The following UQCC1 variants were observed in gnomAD, a reference collection of about 807,000 sequenced individuals.
UQCC1 encodes ubiquinol-cytochrome c reductase complex assembly factor 1, also known as bFGF-repressed Zic-binding protein.
A neutral mutation model predicts 48.0 loss-of-function variants in UQCC1; 38 were observed. The ratio of observed to expected loss-of-function variants is 0.79; its 90% CI spans 0.61 to 1.04. The LOEUF (loss-of-function observed/expected upper bound fraction) is 1.04, where lower values mean the gene tolerates loss of function less well. Ranked by LOEUF, UQCC1 falls within the 50% of genes least tolerant of loss-of-function variation. The pLI is 0.00. For synonymous variants in UQCC1, 111 were observed against 129.2 expected, an observed-to-expected ratio of 0.86 and a Z score of 0.95; for missense variants, 368 against 381.8, an observed-to-expected ratio of 0.96 and a Z score of 0.30.
At chr20:35,366,311 T>C (rs185396615) in intron 6 of UQCC1, among the ~76,000 whole-genome samples, 16 of 152,342 alleles carry the variant, frequency 1.1e-4, no homozygotes, top group Admixed American at 5.2e-4. Flanking sequence ...GAGATACTGA[T>C]AGCATTGTTC....
chr20:35,305,229 A>G (rs1054827537), intron 9 of UQCC1, among the ~76,000 whole-genome samples: 1 of 152,216 alleles, frequency 6.6e-6, no homozygotes, highest in Non-Finnish European at 1.5e-5. Flanking sequence ...CCAAGAGTAC[A>G]TGGAGCAGCA....
chr20:35,403,054 C>T (rs1183730736), intron 1 of UQCC1, among the ~76,000 whole-genome samples: 10 of 139,238 alleles, frequency 7.2e-5, no homozygotes, highest in African/African-American at 2.4e-4. Flanking sequence ...GGGACAAGAG[C>T]GAGACTTCGT....
chr20:35,392,867 C>T (rs115599779), intron 2 of UQCC1, among the ~76,000 whole-genome samples: 1,971 of 151,266 alleles, frequency 0.013, 43 homozygotes, highest in African/African-American at 0.045. Context: ...GCATCGAATA[C>T]GAAAAAGAAA....
Position 35,378,609 on chromosome 20 carries a change from G to A in UQCC1, c.333+3309C>T, listed in dbSNP as rs547902244. ...CGCGCCACTGCACTCCAGCCTGGGC[G>A]ACAGAGCGAGACTCCAACTCAAAAA... On this transcript the variant is annotated intron_variant, in intron 4 of 9. Coordinates refer to ENST00000374385, the MANE Select transcript of UQCC1 (RefSeq NM_018244.5). Among the ~76,000 whole-genome samples the A allele has an allele frequency of 7.5e-4, 114 of 152,238 alleles. 1 individual carries two copies. Among genetic ancestry groups the A allele is most frequent in the African/African-American group, 2.6e-3 (108 of 41,552 alleles).
chr20:35,383,974 T>G, intron 3 of UQCC1, 64 bp downstream of exon 3: 2,958 of 1,378,002 alleles, frequency 2.1e-3, no homozygotes, highest in Non-Finnish European at 2.7e-3. Context: ...ACAATTTTGT[T>G]GAGATCCAAA....
chr20:35,411,855 T>C (rs2146563964), intron 1 of UQCC1, 85 bp downstream of exon 1: 1 of 1,579,224 alleles, frequency 6.3e-7, no homozygotes, highest in South Asian at 1.1e-5. Flanking sequence ...CCTCCTGCGA[T>C]TCCTTCCAAT....
rs183757711 is a variant in UQCC1 at position 35,348,489 on chromosome 20, T to A, written c.465-1217A>T. On this transcript the variant is annotated intron_variant, in intron 6 of 9. Transcript: ENST00000374385. ...ACTACAAGCTCTGCCTCCCGGGTTC[T>A]TGCCATTCTCCTGCTTCAGCCTCCC... Among the ~76,000 whole-genome samples the A allele has an allele frequency of 4.6e-3, 699 of 152,070 alleles. 2 individuals are homozygous for A. The highest frequency in any genetic ancestry group is 0.014 in the Middle Eastern group (4 of 294).
At chr20:35,356,460 T>G (rs949680721) in intron 6 of UQCC1, among the ~76,000 whole-genome samples, 1 of 152,080 alleles carries the variant, frequency 6.6e-6, no homozygotes, top group Non-Finnish European at 1.5e-5. Flanking sequence ...AAAAAAAAAC[T>G]TAAATAGCAA....
chr20:35,358,880 C>A (rs1317981724), intron 6 of UQCC1, among the ~76,000 whole-genome samples: 1 of 152,090 alleles, frequency 6.6e-6, no homozygotes, highest in East Asian at 1.9e-4. Flanking sequence ...CTTAAACCCA[C>A]AATTTATTAT....
At chr20:35,378,897 C>T (rs1335239020) in intron 4 of UQCC1, among the ~76,000 whole-genome samples, 1 of 152,126 alleles carries the variant, frequency 6.6e-6, no homozygotes, top group African/African-American at 2.4e-5. Context: ...CACATTTGCC[C>T]CTCAAATACC....
At chr20:35,371,480 G>A (rs1052617925) in intron 5 of UQCC1, among the ~76,000 whole-genome samples, 3 of 151,516 alleles carry the variant, frequency 2.0e-5, no homozygotes, top group Non-Finnish European at 4.4e-5. Flanking sequence ...TGGGATTAGA[G>A]GCACCCACCA....
intron 1 of UQCC1, among the ~76,000 whole-genome samples, chr20:35,397,389 G>A (rs549889792): frequency 1.7e-4 from 25 of 149,694 alleles, no homozygotes; most frequent in South Asian, 4.2e-4. Context: ...GGTGGTGGGC[G>A]CCTGTAATCC....
chr20:35,400,997 A>G (rs939258491), intron 1 of UQCC1, among the ~76,000 whole-genome samples: 1 of 152,176 alleles, frequency 6.6e-6, no homozygotes, highest in Non-Finnish European at 1.5e-5. Context: ...TTCATGAGCT[A>G]GAAAACAATT....
At chr20:35,329,387 C>T (rs1414246870) in intron 7 of UQCC1, among the ~76,000 whole-genome samples, 1 of 152,164 alleles carries the variant, frequency 6.6e-6, no homozygotes, top group East Asian at 1.9e-4. Context: ...TATAGTTCCT[C>T]CTGCTCCTTT....
At chr20:35,407,464 G>A (rs1469555959) in intron 1 of UQCC1, among the ~76,000 whole-genome samples, 2 of 150,414 alleles carry the variant, frequency 1.3e-5, no homozygotes. Context: ...AAAAAAATAA[G>A]TTGGACTTCA....
chr20:35,306,399 G>A (rs1026239193), intron 9 of UQCC1: 2 of 433,334 alleles, frequency 4.6e-6, no homozygotes, highest in Non-Finnish European at 8.6e-6. Context: ...GCAATGAGGT[G>A]CACAGTGAAT....
chr20:35,393,503 A>AACAC (rs3055772), intron 2 of UQCC1, among the ~76,000 whole-genome samples: 1,853 of 146,886 alleles, frequency 0.013, 34 homozygotes, highest in African/African-American at 0.042. Flanking sequence ...AACACACACA[A>AACAC]ACACACACAC....
chr20:35,328,928 G>A (rs1033023663), intron 7 of UQCC1, among the ~76,000 whole-genome samples: 4 of 152,200 alleles, frequency 2.6e-5, no homozygotes, highest in African/African-American at 9.6e-5. Flanking sequence ...TAGATTGTAA[G>A]CCCTGTAAGA....
chr20:35,408,830 G>C (rs892101907), intron 1 of UQCC1, among the ~76,000 whole-genome samples: 1 of 151,588 alleles, frequency 6.6e-6, no homozygotes, highest in Non-Finnish European at 1.5e-5. Flanking sequence ...ACTTCAGCAC[G>C]CATGACAGAG....
Sources: gnomAD v4.1 joint callset for allele counts (sites outside exome capture counted in the v4.1 genomes callset) on GRCh38, gnomAD v4.1.1 for gene constraint, MANE v1.5 for transcripts, NCBI Gene and HGNC (gene_info 2026-07-23, HGNC 2026-07-21) for gene names.